The following IGF1R variants were observed in gnomAD, a reference collection of about 807,000 sequenced individuals.
IGF1R encodes the protein insulin like growth factor 1 receptor, also known as insulin-like growth factor 1 receptor.
In IGF1R, 44 loss-of-function variants were observed where a neutral mutation model predicts 144.6. The observed-to-expected ratio is 0.30, with a 90% CI of 0.24 to 0.39. IGF1R has a LOEUF of 0.39. IGF1R is among the 10% of genes least tolerant of loss of function. The pLI is 1.00. For synonymous variants in IGF1R, 795 were observed against 722.8 expected (o/e 1.10, Z -1.60); for missense variants, 1,355 against 1,833.7 (o/e 0.74, Z 4.77).
chr15:98,866,723 C>T (rs2012469101), intron 2 of IGF1R, among the ~76,000 whole-genome samples: 1 of 152,102 alleles, frequency 6.6e-6, no homozygotes, highest in African/African-American at 2.4e-5. Context: ...CGCTGGCGGT[C>T]GTTTCGGCAG....
chr15:98,893,839 T>TA (rs1276502146), intron 3 of IGF1R, among the ~76,000 whole-genome samples: 1 of 152,220 alleles, frequency 6.6e-6, no homozygotes, highest in Non-Finnish European at 1.5e-5. Context: ...CCTTTTTGTT[T>TA]AAAAATAAAA....
In IGF1R at chr15:98,924,572, G is replaced by C. The variant is rs2151694452; in HGVS notation, c.2670G>C (p.Gly890=). 1.2e-6 allele frequency: 2 copies of C among 1,614,086 alleles called. No homozygotes were observed. Among genetic ancestry groups the C allele is most frequent in the Non-Finnish European group, 1.7e-6 (2 of 1,179,956 alleles). The change falls in exon 13 of 21, where the codon GGG becomes GGC. Residue 890 remains glycine, a synonymous_variant. Transcript: ENST00000650285. ...VSRQEYRKYG[G]AKLNRLNPGN... The stretch of plus-strand genomic sequence containing the variant: ...GACAGGAATACAGGAAGTATGGAGG[G>C]GCCAAGCTAAACCGGCTAAACCCGG...
At chr15:98,766,427 G>A (rs2055439110) in intron 2 of IGF1R, among the ~76,000 whole-genome samples, 1 of 152,076 alleles carries the variant, frequency 6.6e-6, no homozygotes, top group Non-Finnish European at 1.5e-5. Context: ...TAGGTATTCT[G>A]AAAATTCCAA....
intron 2 of IGF1R, among the ~76,000 whole-genome samples, chr15:98,829,241 A>T (rs1005320834): frequency 6.6e-6 from 1 of 152,138 alleles, no homozygotes; most frequent in Non-Finnish European, 1.5e-5. Flanking sequence ...GCCGTTTCTG[A>T]TGTCCTTTTC....
In IGF1R at chr15:98,957,055, C is replaced by T. The variant is rs971802250; in HGVS notation, c.3723-6C>T. The T allele has an allele frequency of 1.2e-6, 2 of 1,614,044 alleles. No individual in the cohort carries two copies. The highest frequency in any genetic ancestry group is 2.7e-5 in the African/African-American group (2 of 74,944). ...TTGGACCCCCTCCCGTGTGTCTTGG[C>T]TGCAGGTTTGAACTGATGCGCATGT... On this transcript the variant is annotated splice_polypyrimidine_tract_variant and splice_region_variant and intron_variant, in intron 20 of 20. Transcript: ENST00000650285.
intron 2 of IGF1R, among the ~76,000 whole-genome samples, chr15:98,846,832 C>G (rs1157999423): frequency 6.6e-6 from 1 of 152,224 alleles, no homozygotes; most frequent in East Asian, 1.9e-4. Flanking sequence ...AATTTTGCAA[C>G]ACTTTGTTGG....
chr15:98,850,295 G>A (rs779563927), intron 2 of IGF1R, among the ~76,000 whole-genome samples: 7 of 152,236 alleles, frequency 4.6e-5, no homozygotes, highest in Non-Finnish European at 1.0e-4. Context: ...TTGAGAAGGA[G>A]CCAGCCACTC....
chr15:98,832,104 T>A (rs889084085), intron 2 of IGF1R, among the ~76,000 whole-genome samples: 1 of 152,170 alleles, frequency 6.6e-6, no homozygotes, highest in African/African-American at 2.4e-5. Context: ...ATCCTTTTCT[T>A]TAGACTCCAA....
At chr15:98,790,746 C>G (rs538187644) in intron 2 of IGF1R, among the ~76,000 whole-genome samples, 1 of 152,332 alleles carries the variant, frequency 6.6e-6, no homozygotes, top group East Asian at 1.9e-4. Flanking sequence ...TGTATTAAAA[C>G]TTCTACTGTC....
In IGF1R at chr15:98,649,040, A is replaced by AGGAGGAGGG; in HGVS notation, c.-537_-529dup. 4.5e-6 allele frequency: 1 copy of AGGAGGAGGG among 223,070 alleles called. No individual in the cohort carries two copies. 13.8% of individuals were successfully genotyped at this position (223,070 alleles called of 1,614,324 possible). ...GGCGGCGAGCGGAGCCAGGAGGAGG[A>AGGAGGAGGG]GGAGGAGGGGGAGCCGCTCATTCAT... On this transcript the variant is annotated 5_prime_UTR_variant, in exon 1 of 21. Coordinates refer to ENST00000650285, the MANE Select transcript of IGF1R (RefSeq NM_000875.5).
intron 1 of IGF1R, among the ~76,000 whole-genome samples, chr15:98,687,429 G>A (rs769586536): frequency 2.6e-5 from 4 of 152,182 alleles, no homozygotes; most frequent in Admixed American, 6.5e-5. Context: ...TCCATGTCTC[G>A]TCCTTAGTAA....
chr15:98,878,918 C>T (rs1251412985), intron 2 of IGF1R, among the ~76,000 whole-genome samples: 1 of 152,060 alleles, frequency 6.6e-6, no homozygotes, highest in Non-Finnish European at 1.5e-5. Context: ...ATTGCTTGAA[C>T]CCGGGAGGTG....
chr15:98,750,890 T>C (rs1269965102), intron 2 of IGF1R, among the ~76,000 whole-genome samples: 1 of 152,090 alleles, frequency 6.6e-6, no homozygotes, highest in Non-Finnish European at 1.5e-5. Flanking sequence ...CAGGCTCAGG[T>C]GATCCTCTTC....
chr15:98,963,855 TCCTC>T lies in IGF1R; in HGVS notation c.*6414_*6417del, dbSNP rs1265846181. The stretch of plus-strand genomic sequence containing the variant: ...AATTGGTTTTAAAGTTGACTCCACT[TCCTC>T]TAACTCCAGTGGATTGTTGGCCATG... On this transcript the variant is annotated 3_prime_UTR_variant, in exon 21 of 21. Transcript: ENST00000650285. 2 of 233,052 alleles carry T rather than the reference TCCTC, an allele frequency of 8.6e-6. No homozygotes were observed. Among genetic ancestry groups the T allele is most frequent in the African/African-American group, 4.4e-5 (2 of 45,350 alleles). The allele number at this position is 233,052 out of a possible 1,614,324, so 14.4% of individuals were successfully genotyped here.
At position 98,678,126 on chromosome 15, in the gene IGF1R, C is replaced by G. The variant is rs570959752; in HGVS notation, c.94+28451C>G. The stretch of plus-strand genomic sequence containing the variant: ...TGTCATCAGATGTCATTTTGGCATT[C>G]ATTTGGATTCAGAAGTGGTTGTTAC... On this transcript the variant is annotated intron_variant, in intron 1 of 20. Transcript: ENST00000650285. Among the ~76,000 whole-genome samples the G allele has an allele frequency of 2.6e-4, 39 of 152,242 alleles. 1 individual carries two copies. The South Asian group carries it at 7.7e-3, about 30-fold the overall frequency.
chr15:98,762,682 T>C (rs1328065564), intron 2 of IGF1R, among the ~76,000 whole-genome samples: 7 of 149,674 alleles, frequency 4.7e-5, no homozygotes, highest in Middle Eastern at 3.7e-3. Flanking sequence ...GAACCGAGAT[T>C]GCATCATTAT....
At position 98,935,916 on chromosome 15, in the gene IGF1R, G is replaced by A. The variant is rs1014834680; in HGVS notation, c.3297+490G>A. ...TTTAGCTTTTCATCTCAGTCCAAGT[G>A]TGTGGCTCAGGGCCGCATTTGTGGC... On this transcript the variant is annotated intron_variant, in intron 17 of 20. Coordinates refer to ENST00000650285, the MANE Select transcript of IGF1R (RefSeq NM_000875.5). This position sits in a 1 kb window ranked among gnomAD's most constrained non-coding sequence, Gnocchi z 4.2. 6.6e-6 allele frequency among the ~76,000 whole-genome samples: 1 copy of A among 152,174 alleles called. No homozygotes were observed. The highest frequency in any genetic ancestry group is 2.4e-5 in the African/African-American group (1 of 41,424).
In IGF1R at chr15:98,953,579, A is replaced by G. The variant is rs565178856; in HGVS notation, c.3723-3482A>G. ...CGTAAAAGGTCCCGGCTGCTGCGGG[A>G]TAAGGGCCAGGGCAGAGGTGTGAAC... On this transcript the variant is annotated intron_variant, in intron 20 of 20. Transcript: ENST00000650285. 5.9e-5 allele frequency among the ~76,000 whole-genome samples: 9 copies of G among 152,128 alleles called. No individual in the cohort carries two copies. In the South Asian group the frequency reaches 1.5e-3, roughly 25 times the overall value.
chr15:98,820,713 A>G (rs1047529977), intron 2 of IGF1R, among the ~76,000 whole-genome samples: 6 of 152,260 alleles, frequency 3.9e-5, no homozygotes, highest in African/African-American at 1.4e-4. Context: ...TTTACACATT[A>G]AGTGCATATA....
Sources: allele counts gnomAD v4.1 joint callset (sites outside exome capture counted in the v4.1 genomes callset), GRCh38; gene constraint gnomAD v4.1.1; non-coding constraint Gnocchi (gnomAD v3.1); transcripts MANE v1.5; gene names NCBI Gene and HGNC (gene_info 2026-07-23, HGNC 2026-07-21).